The following KYAT1 variants were observed in gnomAD, a reference collection of about 807,000 sequenced individuals.
KYAT1 encodes kynurenine aminotransferase 1, also known as kynurenine--oxoglutarate transaminase 1.
KYAT1 carries 47 observed loss-of-function variants against 52.4 expected under a neutral mutation model. The observed-to-expected ratio is 0.90, with a 90% CI of 0.71 to 1.14. KYAT1 has a LOEUF of 1.14. Ranked by LOEUF, KYAT1 falls within the 50% of genes most tolerant of loss-of-function variation. The probability of loss-of-function intolerance (pLI) is 0.00; values close to 1 mark genes in which losing one functional copy is unlikely to be tolerated. For synonymous variants in KYAT1, 212 were observed against 209.6 expected, an observed-to-expected ratio of 1.01 and a Z score of -0.10; for missense variants, 480 against 557.9, an observed-to-expected ratio of 0.86 and a Z score of 1.41.
intron 1 of KYAT1, among the ~76,000 whole-genome samples, chr9:128,852,052 G>A (rs1338756039): frequency 2.0e-5 from 3 of 152,174 alleles, no homozygotes; most frequent in Non-Finnish European, 4.4e-5. Flanking sequence ...GCAGTGTCCT[G>A]TATGGGTCAA....
At chr9:128,852,384 A>G (rs1006872018) in intron 1 of KYAT1, among the ~76,000 whole-genome samples, 427 of 151,812 alleles carry the variant, frequency 2.8e-3, no homozygotes, top group Non-Finnish European at 5.1e-3. Context: ...CTTTTACTAT[A>G]CCAGCCGTAA....
chr9:128,848,242 C>T (rs1833409733), intron 1 of KYAT1, among the ~76,000 whole-genome samples: 1 of 149,874 alleles, frequency 6.7e-6, no homozygotes, highest in Non-Finnish European at 1.5e-5. Flanking sequence ...TCACTTGATC[C>T]TGGAGAGGTC....
chr9:128,871,808 T>C (rs1837267186), intron 1 of KYAT1, among the ~76,000 whole-genome samples: 1 of 152,186 alleles, frequency 6.6e-6, no homozygotes, highest in Admixed American at 6.6e-5. Context: ...TAGTCTTTAC[T>C]TTCCACAGTA....
chr9:128,837,709 G>A lies in KYAT1; in HGVS notation c.543C>T (p.Asn181=), dbSNP rs989967407. 3 of 1,614,060 alleles carry A rather than the reference G, an allele frequency of 1.9e-6. No individual in the cohort carries two copies. The highest frequency in any genetic ancestry group is 2.5e-6 in the Non-Finnish European group (3 of 1,180,026). ...FTSRTKALVL[N]TPNNPLGKVF... ...CCTTGCCCAGGGGGTTGTTGGGGGT[G>A]TTGAGGACCAGGGCTTTGGTGCGTG... Residue 181 remains asparagine (N), a synonymous_variant, in exon 6 of 13, where the codon AAC becomes AAT. Coordinates refer to ENST00000302586, the MANE Select transcript of KYAT1 (RefSeq NM_004059.5).
chr9:128,842,168 G>A, intron 3 of KYAT1: 1 of 280,724 alleles, frequency 3.6e-6, no homozygotes, highest in Middle Eastern at 1.3e-3. Flanking sequence ...ACTCCAGCCT[G>A]GATAACAGAG....
intron 3 of KYAT1, among the ~76,000 whole-genome samples, chr9:128,839,850 G>A (rs1831830019): frequency 6.6e-6 from 1 of 152,024 alleles, no homozygotes; most frequent in Non-Finnish European, 1.5e-5. Flanking sequence ...CCAGGAGTTT[G>A]AGAACAGCCT....
Position 128,838,359 on chromosome 9 carries a change from TG to T in KYAT1, c.209del (p.Pro70HisfsTer3). The T allele has an allele frequency of 6.2e-7, 1 of 1,614,142 alleles. No homozygotes were observed. Among genetic ancestry groups the T allele is most frequent in the Non-Finnish European group, 8.5e-7 (1 of 1,180,026 alleles). On this transcript the variant is annotated frameshift_variant, in exon 4 of 13. Coordinates refer to ENST00000302586, the MANE Select transcript of KYAT1 (RefSeq NM_004059.5). LOFTEE classifies it high-confidence loss of function. ...LNQYTKTFGY[P>X]PLTKILASFF... is the part of the protein sequence containing the mutation. ...AACTTGCCAGGATCTTCGTCAGTGGTGGGTAACCCTGCCAGGACAGCAGGGG... is the reference window on the plus strand; with the variant it reads ...AACTTGCCAGGATCTTCGTCAGTGGTGGTAACCCTGCCAGGACAGCAGGGG...
chr9:128,877,560 C>T (rs1394865330), intron 1 of KYAT1, among the ~76,000 whole-genome samples: 1 of 152,226 alleles, frequency 6.6e-6, no homozygotes, highest in Non-Finnish European at 1.5e-5. Flanking sequence ...AATCTCCTCT[C>T]AGGCGGGTGC....
intron 1 of KYAT1, among the ~76,000 whole-genome samples, chr9:128,869,954 A>G (rs986615901): frequency 1.3e-5 from 2 of 151,890 alleles, no homozygotes; most frequent in Non-Finnish European, 2.9e-5. Context: ...GGGTTTCGCC[A>G]TGTTGGCCAG....
At chr9:128,880,761 G>A (rs1838733608) in intron 1 of KYAT1, among the ~76,000 whole-genome samples, 1 of 151,996 alleles carries the variant, frequency 6.6e-6, no homozygotes, top group African/African-American at 2.4e-5. Context: ...ATATTGCTAA[G>A]TTTCCTAACC....
chr9:128,842,623 C>T, intron 3 of KYAT1, 31 bp downstream of exon 3: 2 of 1,604,874 alleles, frequency 1.2e-6, no homozygotes, highest in South Asian at 2.2e-5. Flanking sequence ...CTTCCTCCCC[C>T]AGTGCCTCCA....
At chr9:128,865,043 G>A (rs1251677482) in intron 1 of KYAT1, among the ~76,000 whole-genome samples, 1 of 150,624 alleles carries the variant, frequency 6.6e-6, no homozygotes, top group Non-Finnish European at 1.5e-5. Flanking sequence ...CCTGGGCAAC[G>A]TAGTGAGACT....
intron 1 of KYAT1, among the ~76,000 whole-genome samples, chr9:128,848,597 C>A (rs2119221920): frequency 6.6e-6 from 1 of 151,804 alleles, no homozygotes; most frequent in South Asian, 2.1e-4. Flanking sequence ...GCGAGTGGAT[C>A]ACTTCAGGTC....
intron 1 of KYAT1, among the ~76,000 whole-genome samples, chr9:128,871,918 G>A (rs1353967311): frequency 1.3e-5 from 2 of 151,478 alleles, no homozygotes; most frequent in Non-Finnish European, 2.9e-5. Flanking sequence ...ATGAGGTCAA[G>A]AGATCAAGAC....
In KYAT1 at chr9:128,859,277, C is replaced by T. The variant is rs570262446; in HGVS notation, c.-6-13866G>A. Among the ~76,000 whole-genome samples the T allele has an allele frequency of 2.3e-3, 350 of 151,970 alleles. 1 individual carries two copies. Among genetic ancestry groups the T allele is most frequent in the African/African-American group, 8.2e-3 (341 of 41,472 alleles). On this transcript the variant is annotated intron_variant, in intron 1 of 12. Transcript: ENST00000302586. Reference sequence around the variant, plus strand: ...TCGGGAGGCTGAGGCAGGAGAATGTCGTGAACCCAGGAGGCTGAACCTGCA... The same window carrying T: ...TCGGGAGGCTGAGGCAGGAGAATGTTGTGAACCCAGGAGGCTGAACCTGCA...
intron 1 of KYAT1, among the ~76,000 whole-genome samples, chr9:128,868,605 C>T (rs1381438873): frequency 1.3e-5 from 2 of 152,012 alleles, no homozygotes; most frequent in African/African-American, 4.8e-5. Context: ...GGTGCGATCA[C>T]GGCTCACTAC....
chr9:128,869,028 G>A (rs759705901), intron 1 of KYAT1, among the ~76,000 whole-genome samples: 3 of 151,832 alleles, frequency 2.0e-5, no homozygotes, highest in South Asian at 4.2e-4. Context: ...TTGTAGAGAC[G>A]GGGGTCTCAC....
Position 128,833,497 on chromosome 9 carries a change from A to T in KYAT1, c.*87T>A. 1.5e-6 allele frequency: 2 copies of T among 1,373,762 alleles called. No individual in the cohort carries two copies. Among genetic ancestry groups the T allele is most frequent in the Non-Finnish European group, 2.1e-6 (2 of 963,322 alleles). The allele number at this position is 1,373,762 out of a possible 1,614,324, so 85.1% of individuals were successfully genotyped here. A position where few individuals can be genotyped will look rare whatever the true frequency, so the allele number is the denominator to read the frequency against. On this transcript the variant is annotated 3_prime_UTR_variant, in exon 13 of 13. Coordinates refer to ENST00000302586, the MANE Select transcript of KYAT1 (RefSeq NM_004059.5). ...CCAATAGCATCTTCCCCAACCTAGA[A>T]ATGTCTGAAACCTGGACAAAGACAG... is the stretch of plus-strand genomic sequence containing the variant.
At chr9:128,855,557 T>C (rs1834488866) in intron 1 of KYAT1, among the ~76,000 whole-genome samples, 3 of 152,234 alleles carry the variant, frequency 2.0e-5, no homozygotes, top group Non-Finnish European at 2.9e-5. Flanking sequence ...AAAACCCTCT[T>C]ATATGCTAGT....
Sources: gnomAD v4.1 joint callset for allele counts (sites outside exome capture counted in the v4.1 genomes callset) on GRCh38, gnomAD v4.1.1 for gene constraint, MANE v1.5 for transcripts, NCBI Gene and HGNC (gene_info 2026-07-23, HGNC 2026-07-21) for gene names.